Variants in NXPH1 observed in about 807,000 individuals in gnomAD.
NXPH1 encodes neurexophilin 1, also known as neurexophilin-1.
Under a neutral mutation model 23.7 loss-of-function variants are expected in NXPH1, and 5 were observed. The ratio of observed to expected loss-of-function variants is 0.21; its 90% CI spans 0.11 to 0.44. The LOEUF (loss-of-function observed/expected upper bound fraction) is 0.44, where lower values mean the gene tolerates loss of function less well. NXPH1 is among the 20% of genes least tolerant of loss of function. The pLI is 0.99. For missense variants in NXPH1, 324 were observed against 321.6 expected, an observed-to-expected ratio of 1.01 and a Z score of -0.06; for synonymous variants, 144 against 122.2, an observed-to-expected ratio of 1.18 and a Z score of -1.18.
At chr7:8,619,775 A>G (rs546948287) in intron 2 of NXPH1, among the ~76,000 whole-genome samples, 37 of 152,336 alleles carry the variant, frequency 2.4e-4, no homozygotes, top group Admixed American at 2.2e-3. Context: ...TTTACAAAAT[A>G]TACTAATACC....
At chr7:8,729,317 G>T (rs1341584118) in intron 2 of NXPH1, among the ~76,000 whole-genome samples, 116 of 142,482 alleles carry the variant, frequency 8.1e-4, no homozygotes, top group African/African-American at 2.8e-3. Context: ...TTTTTTGAAG[G>T]GTTTTTTGTG....
At chr7:8,548,816 A>C (rs954184943) in intron 2 of NXPH1, among the ~76,000 whole-genome samples, 1 of 151,560 alleles carries the variant, frequency 6.6e-6, no homozygotes, top group Non-Finnish European at 1.5e-5. Context: ...ATTAGTAAGT[A>C]GTCAATAAAT....
intron 2 of NXPH1, among the ~76,000 whole-genome samples, chr7:8,563,087 T>C (rs1818475557): frequency 6.6e-6 from 1 of 151,760 alleles, no homozygotes; most frequent in African/African-American, 2.4e-5. Context: ...ATATGCAAGA[T>C]AGAACATTGA....
intron 2 of NXPH1, among the ~76,000 whole-genome samples, chr7:8,581,192 T>A (rs114174543): frequency 6.6e-4 from 100 of 152,302 alleles, no homozygotes; most frequent in African/African-American, 2.0e-3. Flanking sequence ...TTCCTTTTTT[T>A]AAAAATATAT....
chr7:8,633,826 G>A (rs978234337), intron 2 of NXPH1, among the ~76,000 whole-genome samples: 1 of 152,218 alleles, frequency 6.6e-6, no homozygotes, highest in East Asian at 1.9e-4. Context: ...TGAGGTCTGC[G>A]GAAGGAAGGT....
chr7:8,719,869 T>G lies in NXPH1; in HGVS notation c.55-31139T>G, dbSNP rs116743980. Among the ~76,000 whole-genome samples, 482 of 152,320 alleles carry G rather than the reference T, an allele frequency of 3.2e-3. 2 individuals carry two copies. The highest frequency in any genetic ancestry group is 0.011 in the African/African-American group (457 of 41,578). On this transcript the variant is annotated intron_variant, in intron 2 of 2. Coordinates refer to ENST00000405863, the MANE Select transcript of NXPH1 (RefSeq NM_152745.3). ...TAAAAAATACAATATTATTAACCAC[T>G]GAGAAGAACAGCTTATGTACATTCT...
intron 2 of NXPH1, among the ~76,000 whole-genome samples, chr7:8,586,350 G>T (rs1371538830): frequency 6.6e-6 from 1 of 152,058 alleles, no homozygotes; most frequent in Non-Finnish European, 1.5e-5. Context: ...AGGGAGTTTA[G>T]TATGGAATTC....
intron 2 of NXPH1, among the ~76,000 whole-genome samples, chr7:8,745,085 C>T (rs1156636849): frequency 6.6e-6 from 1 of 152,228 alleles, no homozygotes; most frequent in Non-Finnish European, 1.5e-5. Context: ...TTAGCAGCAC[C>T]TTTACGATTT....
At chr7:8,493,002 C>G (rs769185908) in intron 2 of NXPH1, among the ~76,000 whole-genome samples, 1 of 151,946 alleles carries the variant, frequency 6.6e-6, no homozygotes, top group Non-Finnish European at 1.5e-5. Context: ...ACAGGAAGTT[C>G]ATTTTCAAAG....
At chr7:8,522,881 G>T (rs1273023618) in intron 2 of NXPH1, among the ~76,000 whole-genome samples, 1 of 152,156 alleles carries the variant, frequency 6.6e-6, no homozygotes, top group East Asian at 1.9e-4. Context: ...TTGTACCCAT[G>T]GGGCTTCCCC....
intron 2 of NXPH1, among the ~76,000 whole-genome samples, chr7:8,505,316 C>A (rs1458139429): frequency 2.0e-5 from 3 of 152,030 alleles, no homozygotes; most frequent in Non-Finnish European, 4.4e-5. Flanking sequence ...TCAGTGCCAA[C>A]AACCTTCTTG....
At chr7:8,472,096 A>G (rs184596417) in intron 2 of NXPH1, among the ~76,000 whole-genome samples, 45 of 152,124 alleles carry the variant, frequency 3.0e-4, no homozygotes, top group African/African-American at 9.9e-4. Context: ...TTTTATTTCC[A>G]TAGGTGATGT....
At chr7:8,446,834 T>A (rs1054039460) in intron 2 of NXPH1, among the ~76,000 whole-genome samples, 2 of 152,178 alleles carry the variant, frequency 1.3e-5, no homozygotes, top group African/African-American at 4.8e-5. Context: ...TATACACGGT[T>A]AAAAATCATG....
At chr7:8,553,685 T>C (rs1818312018) in intron 2 of NXPH1, among the ~76,000 whole-genome samples, 1 of 151,596 alleles carries the variant, frequency 6.6e-6, no homozygotes, top group African/African-American at 2.4e-5. Flanking sequence ...CCTTACATCT[T>C]CCAGCTAACT....
intron 2 of NXPH1, among the ~76,000 whole-genome samples, chr7:8,625,357 G>A (rs187891946): frequency 1.8e-3 from 270 of 152,230 alleles, no homozygotes; most frequent in African/African-American, 6.1e-3. Flanking sequence ...AAGTTAGGGG[G>A]AAGATCAACT....
intron 2 of NXPH1, among the ~76,000 whole-genome samples, chr7:8,571,327 G>A (rs1818643044): frequency 6.6e-6 from 1 of 151,888 alleles, no homozygotes. Context: ...TATGGGGATA[G>A]TGGGTAGTAA....
intron 2 of NXPH1, among the ~76,000 whole-genome samples, chr7:8,667,173 T>A (rs539777189): frequency 1.2e-4 from 18 of 152,210 alleles, no homozygotes; most frequent in African/African-American, 2.4e-4. Context: ...GCTGTTTTTT[T>A]AAATACTTTT....
At chr7:8,477,211 G>A (rs1563321765) in intron 2 of NXPH1, among the ~76,000 whole-genome samples, 1 of 152,080 alleles carries the variant, frequency 6.6e-6, no homozygotes, top group Non-Finnish European at 1.5e-5. Flanking sequence ...GACAGCAAAT[G>A]TCCACAGTTT....
At chr7:8,438,584 C>T (rs76825009) in intron 2 of NXPH1, among the ~76,000 whole-genome samples, 2,831 of 152,246 alleles carry the variant, frequency 0.019, 81 homozygotes, top group African/African-American at 0.062. Flanking sequence ...TTATGTTTCC[C>T]AGGGAGTAAT....
Sources: gnomAD v4.1 joint callset for allele counts (sites outside exome capture counted in the v4.1 genomes callset) on GRCh38, gnomAD v4.1.1 for gene constraint, MANE v1.5 for transcripts, NCBI Gene and HGNC (gene_info 2026-07-23, HGNC 2026-07-21) for gene names.